TMEM232: variants seen among roughly 807,000 people sequenced by gnomAD.
TMEM232 encodes transmembrane protein 232.
A neutral mutation model predicts 78.8 loss-of-function variants in TMEM232; 80 were observed. The ratio of observed to expected loss-of-function variants is 1.01; its 90% CI spans 0.85 to 1.22. The LOEUF (loss-of-function observed/expected upper bound fraction) is 1.22, where lower values mean the gene tolerates loss of function less well. Ranked by LOEUF, TMEM232 falls within the 50% of genes most tolerant of loss-of-function variation. The pLI is 0.00. For synonymous variants in TMEM232, 297 were observed against 254.3 expected (o/e 1.17, Z -1.60); for missense variants, 881 against 742.2 (o/e 1.19, Z -2.17).
intron 11 of TMEM232, among the ~76,000 whole-genome samples, chr5:110,532,285 C>T (rs1304316169): frequency 1.3e-5 from 2 of 151,916 alleles, no homozygotes; most frequent in African/African-American, 2.4e-5. Context: ...TGACTCCTTC[C>T]CAGATCTTCT....
rs1054892475 is a variant in TMEM232 at position 110,599,779 on chromosome 5, A to C, written c.1276+5330T>G. Reference sequence around the variant, plus strand: ...TCAACGAGACAGGAAATTAACAAGGATATTCAGGAATTGAACTCAGCTCTG... The same window carrying C: ...TCAACGAGACAGGAAATTAACAAGGCTATTCAGGAATTGAACTCAGCTCTG... On this transcript the variant is annotated intron_variant, in intron 10 of 13. Transcript: ENST00000455884. 3.3e-5 allele frequency among the ~76,000 whole-genome samples: 5 copies of C among 152,170 alleles called. No homozygotes were observed. In the East Asian group the frequency reaches 9.6e-4, roughly 29 times the overall value.
At chr5:110,652,294 G>GCGCGCGCACACACACACACACACACACA (rs1554069154) in intron 2 of TMEM232, among the ~76,000 whole-genome samples, 12 of 145,454 alleles carry the variant, frequency 8.3e-5, no homozygotes, top group Admixed American at 4.8e-4. Flanking sequence ...GCACGCGCGC[G>GCGCGCGCACACACACACACACACACACA]CACACACACA....
At chr5:110,611,630 C>A (rs761069722) in intron 8 of TMEM232, among the ~76,000 whole-genome samples, 28 of 152,044 alleles carry the variant, frequency 1.8e-4, no homozygotes, top group Non-Finnish European at 3.7e-4. Context: ...AATATAATGG[C>A]AATTTATGAG....
intron 2 of TMEM232, among the ~76,000 whole-genome samples, chr5:110,645,735 GAATA>G (rs1345302933): frequency 6.6e-6 from 1 of 151,432 alleles, no homozygotes; most frequent in Non-Finnish European, 1.5e-5. Flanking sequence ...AAGTAAGTAA[GAATA>G]AATAAATAAA....
chr5:110,601,682 G>A (rs1261089131), intron 10 of TMEM232, among the ~76,000 whole-genome samples: 1 of 152,098 alleles, frequency 6.6e-6, no homozygotes, highest in Non-Finnish European at 1.5e-5. Context: ...CATGCTCAGG[G>A]ATAGGCAGAA....
At chr5:110,667,887 T>C (rs968044827) in intron 1 of TMEM232, among the ~76,000 whole-genome samples, 3 of 152,248 alleles carry the variant, frequency 2.0e-5, no homozygotes, top group African/African-American at 7.2e-5. Context: ...GTCATTTAGA[T>C]AGTGCTTTCT....
At position 110,642,515 on chromosome 5, in the gene TMEM232, G is replaced by C; in HGVS notation, c.126-144C>G. On this transcript the variant is annotated intron_variant, in intron 2 of 13. Coordinates refer to ENST00000455884, the MANE Select transcript of TMEM232 (RefSeq NM_001039763.4). Reference sequence around the variant, plus strand: ...AAACTGTTTCACACAAAAAAAATCAGTAAAAGATACATGCAAGCCTCCTGG... The same window carrying C: ...AAACTGTTTCACACAAAAAAAATCACTAAAAGATACATGCAAGCCTCCTGG... 5.3e-6 allele frequency: 3 copies of C among 569,610 alleles called. No homozygotes were observed. The East Asian group carries it at 1.0e-4, about 19-fold the overall frequency. The allele number at this position is 569,610 out of a possible 1,614,324, so 35.3% of individuals were successfully genotyped here.
intron 12 of TMEM232, among the ~76,000 whole-genome samples, chr5:110,506,145 A>G (rs1284345677): frequency 6.6e-6 from 1 of 152,226 alleles, no homozygotes; most frequent in Non-Finnish European, 1.5e-5. Flanking sequence ...GTTACACAAA[A>G]GACTAGAAGT....
At chr5:110,556,830 A>T (rs1561683522) in intron 11 of TMEM232, among the ~76,000 whole-genome samples, 1 of 152,028 alleles carries the variant, frequency 6.6e-6, no homozygotes, top group Non-Finnish European at 1.5e-5. Context: ...TTTCACATTG[A>T]TCTTGGAGTA....
chr5:110,734,472 G>A (rs1798973070), intron 2 of TMEM232, among the ~76,000 whole-genome samples: 1 of 152,242 alleles, frequency 6.6e-6, no homozygotes, highest in South Asian at 2.1e-4. Context: ...TGCCCATCAT[G>A]AGGCTATGAC....
intron 1 of TMEM232, among the ~76,000 whole-genome samples, chr5:110,693,614 C>A (rs1794402702): frequency 6.6e-6 from 1 of 152,122 alleles, no homozygotes; most frequent in Non-Finnish European, 1.5e-5. Context: ...CTTAAAGGAC[C>A]TGATGGAGCT....
At chr5:110,599,018 A>T (rs891115315) in intron 10 of TMEM232, among the ~76,000 whole-genome samples, 7 of 151,578 alleles carry the variant, frequency 4.6e-5, no homozygotes, top group Non-Finnish European at 7.4e-5. Flanking sequence ...TAATAATAAT[A>T]AAAAAAAGAA....
intron 12 of TMEM232, among the ~76,000 whole-genome samples, chr5:110,527,650 A>C (rs1414944801): frequency 6.6e-6 from 1 of 151,962 alleles, no homozygotes; most frequent in Admixed American, 6.6e-5. Flanking sequence ...AGGTACAATG[A>C]ACAACAACAA....
intron 11 of TMEM232, among the ~76,000 whole-genome samples, chr5:110,547,488 C>G (rs961593649): frequency 1.8e-4 from 28 of 152,014 alleles, no homozygotes; most frequent in African/African-American, 6.3e-4. Context: ...CATTAGTACT[C>G]CTAAGATCTA....
intron 12 of TMEM232, among the ~76,000 whole-genome samples, chr5:110,466,118 T>C (rs1445121149): frequency 2.6e-5 from 4 of 152,172 alleles, no homozygotes; most frequent in African/African-American, 4.8e-5. Context: ...TATGGAGAGA[T>C]TGGATTGTTT....
intron 11 of TMEM232, among the ~76,000 whole-genome samples, chr5:110,550,900 T>C (rs1453803167): frequency 6.7e-6 from 1 of 149,106 alleles, no homozygotes; most frequent in Non-Finnish European, 1.5e-5. Flanking sequence ...AAAGTTCAGA[T>C]AATCTAGAAC....
intron 11 of TMEM232, among the ~76,000 whole-genome samples, chr5:110,557,925 T>C (rs1325467342): frequency 6.6e-6 from 1 of 152,206 alleles, no homozygotes; most frequent in African/African-American, 2.4e-5. Flanking sequence ...TGTGGTGTGA[T>C]GTTTCTTTAA....
chr5:110,402,274 G>T (rs1007007988), intron 2 of TMEM232, among the ~76,000 whole-genome samples: 1 of 152,042 alleles, frequency 6.6e-6, no homozygotes, highest in African/African-American at 2.4e-5. Flanking sequence ...AAAGAAGATT[G>T]CTGTTGTTGC....
intron 2 of TMEM232, among the ~76,000 whole-genome samples, chr5:110,662,014 G>T (rs1044453473): frequency 1.3e-5 from 2 of 151,982 alleles, no homozygotes; most frequent in African/African-American, 4.8e-5. Flanking sequence ...TGTTATTAGG[G>T]TGTTTGAGTT....
Sources: allele counts gnomAD v4.1 joint callset (sites outside exome capture counted in the v4.1 genomes callset), GRCh38; gene constraint gnomAD v4.1.1; transcripts MANE v1.5; gene names NCBI Gene and HGNC (gene_info 2026-07-23, HGNC 2026-07-21).